The following KDM1B variants were observed in gnomAD, a reference collection of about 807,000 sequenced individuals.
KDM1B encodes the protein lysine-specific histone demethylase 2.
Under a neutral mutation model 107.4 loss-of-function variants are expected in KDM1B, and 63 were observed. The ratio of observed to expected loss-of-function variants is 0.59; its 90% CI spans 0.48 to 0.72. The LOEUF (loss-of-function observed/expected upper bound fraction) is 0.72, where lower values mean the gene tolerates loss of function less well. KDM1B is among the 30% of genes least tolerant of loss of function. The pLI is 0.00. For synonymous variants in KDM1B, 363 were observed against 363.9 expected, an observed-to-expected ratio of 1.00 and a Z score of 0.03; for missense variants, 749 against 1,020.8, an observed-to-expected ratio of 0.73 and a Z score of 3.63.
Position 18,191,162 on chromosome 6 carries a change from G to T in KDM1B, c.785-35G>T. ...AATTCTTCTGGATTTGGAAGTTACA[G>T]CTTGTAGGAGTTGCCCATTTGTGTT... On this transcript the variant is annotated intron_variant, in intron 9 of 21. Transcript: ENST00000650836. The surrounding 1 kb of genome is among the most constrained non-coding windows in gnomAD (Gnocchi z 5.1). 6.5e-7 allele frequency: 1 copy of T among 1,539,180 alleles called. No individual in the cohort carries two copies. The highest frequency in any genetic ancestry group is 8.8e-7 in the Non-Finnish European group (1 of 1,139,686).
At position 18,213,651 on chromosome 6, in the gene KDM1B, T is replaced by G. The variant is rs1320667653; in HGVS notation, c.1984-5T>G. On this transcript the variant is annotated splice_polypyrimidine_tract_variant and splice_region_variant and intron_variant, in intron 18 of 21. Transcript: ENST00000650836. The surrounding 1 kb of genome is among the most constrained non-coding windows in gnomAD (Gnocchi z 5.9). Reference sequence around the variant, plus strand: ...CTAACCACCTTTCTTCTGCTCACTTTGCAGATTGCCTTGCAATTTCCGTAT... The same window carrying G: ...CTAACCACCTTTCTTCTGCTCACTTGGCAGATTGCCTTGCAATTTCCGTAT... 1 of 1,614,062 alleles carries G rather than the reference T, an allele frequency of 6.2e-7. No individual in the cohort carries two copies.
At position 18,185,496 on chromosome 6, in the gene KDM1B, T is replaced by G. The variant is rs560754051; in HGVS notation, c.535-276T>G. 1.4e-4 allele frequency among the ~76,000 whole-genome samples: 22 copies of G among 152,242 alleles called. 1 individual carries two copies. In the South Asian group the frequency reaches 4.6e-3, roughly 32 times the overall value. ...TTTATATTTTTAGTAGAGACAGTTT[T>G]TCACTATTTTGGCCAGGCTGGTCTC... is the stretch of plus-strand genomic sequence containing the variant. On this transcript the variant is annotated intron_variant, in intron 7 of 21. Transcript: ENST00000650836.
Position 18,222,020 on chromosome 6 carries a change from T to C in KDM1B, c.*28T>C. The C allele has an allele frequency of 1.3e-6, 2 of 1,599,130 alleles. No individual in the cohort carries two copies. The highest frequency in any genetic ancestry group is 1.7e-6 in the Non-Finnish European group (2 of 1,166,356). On this transcript the variant is annotated 3_prime_UTR_variant, in exon 22 of 22. Coordinates refer to ENST00000650836, the MANE Select transcript of KDM1B (RefSeq NM_001364614.2). ...ATTCGGTGGACCCAGCTTTCTTCTG[T>C]ACCCCAGATGGGGAAATTTGAATCA...
chr6:18,196,131 G>T (rs577641202), intron 10 of KDM1B, among the ~76,000 whole-genome samples: 1 of 152,210 alleles, frequency 6.6e-6, no homozygotes, highest in African/African-American at 2.4e-5. Context: ...TGTGCTTCTG[G>T]TTCAACCATG....
chr6:18,206,451 A>G (rs1788378818), intron 15 of KDM1B, among the ~76,000 whole-genome samples: 2 of 152,328 alleles, frequency 1.3e-5, no homozygotes, highest in South Asian at 4.1e-4. Context: ...CAGGAGTTCA[A>G]AGCTGCAGTT....
At position 18,217,903 on chromosome 6, in the gene KDM1B, A is replaced by G; in HGVS notation, c.2385+18A>G. ...CTGGTGAGGTATGGATCTTGATTCC[A>G]AACCCAATTATTTGTATTTTGATTT... On this transcript the variant is annotated intron_variant, in intron 21 of 21. Coordinates refer to ENST00000650836, the MANE Select transcript of KDM1B (RefSeq NM_001364614.2). 6.2e-7 allele frequency: 1 copy of G among 1,600,272 alleles called. No individual in the cohort carries two copies. The highest frequency in any genetic ancestry group is 8.5e-7 in the Non-Finnish European group (1 of 1,175,196).
rs1172464385 is a variant in KDM1B, at chr6:18,205,033, A to C, written c.1532-504A>C. The stretch of plus-strand genomic sequence containing the variant: ...TGGAGGCGGAGTGCTGACAAGATAC[A>C]AGCCCATAATGGAATATTCTTGTTT... On this transcript the variant is annotated intron_variant, in intron 14 of 21. Coordinates refer to ENST00000650836, the MANE Select transcript of KDM1B (RefSeq NM_001364614.2). The surrounding 1 kb of genome is among the most constrained non-coding windows in gnomAD (Gnocchi z 5.7). 6.6e-6 allele frequency among the ~76,000 whole-genome samples: 1 copy of C among 152,230 alleles called. No homozygotes were observed. Among genetic ancestry groups the C allele is most frequent in the Non-Finnish European group, 1.5e-5 (1 of 68,046 alleles).
At chr6:18,199,988 C>T (rs1015823481) in intron 12 of KDM1B, among the ~76,000 whole-genome samples, 3 of 152,160 alleles carry the variant, frequency 2.0e-5, no homozygotes, top group Non-Finnish European at 2.9e-5. Context: ...AGGTGATTCT[C>T]GTGCCTCAGC....
Position 18,221,305 on chromosome 6 carries a change from T to C in KDM1B, c.2386-604T>C, listed in dbSNP as rs1789715352. 2.6e-5 allele frequency among the ~76,000 whole-genome samples: 4 copies of C among 152,166 alleles called. No homozygotes were observed. The South Asian group carries it at 8.3e-4, about 32-fold the overall frequency. On this transcript the variant is annotated intron_variant, in intron 21 of 21. Transcript: ENST00000650836. ...ACATCTCAGACCTTGTCATAATTAC[T>C]TAATCACTAATTCAGGCCTCCTCCT... is the stretch of plus-strand genomic sequence containing the variant.
chr6:18,183,230 G>T (rs570176617), intron 7 of KDM1B, among the ~76,000 whole-genome samples: 2 of 150,204 alleles, frequency 1.3e-5, no homozygotes, highest in Admixed American at 6.6e-5. Context: ...TTCCCTTGCA[G>T]GGGTAAACAA....
Position 18,204,147 on chromosome 6 carries a change from A to T in KDM1B, c.1532-1390A>T, listed in dbSNP as rs983633490. 2.0e-5 allele frequency among the ~76,000 whole-genome samples: 3 copies of T among 152,052 alleles called. No homozygotes were observed. The highest frequency in any genetic ancestry group is 2.1e-4 in the South Asian group (1 of 4,828). ...AGCCTTGAGCTGTTCTAAAAAAAAA[A>T]ATATTTGAAGTAACTGATACTCAGT... On this transcript the variant is annotated intron_variant, in intron 14 of 21. Coordinates refer to ENST00000650836, the MANE Select transcript of KDM1B (RefSeq NM_001364614.2). The surrounding 1 kb of genome is among the most constrained non-coding windows in gnomAD (Gnocchi z 4.9).
Position 18,159,924 on chromosome 6 carries a change from A to T in KDM1B, c.29A>T (p.Lys10Ile). Residue 10 changes from lysine to isoleucine, a missense_variant, in exon 3 of 22, where the codon AAA becomes ATA. Coordinates refer to ENST00000650836, the MANE Select transcript of KDM1B (RefSeq NM_001364614.2). The surrounding 1 kb of genome is among the most constrained non-coding windows in gnomAD (Gnocchi z 4.5). MATPRGRTK[K>I]KASFDHSPDS... is the part of the protein sequence containing the mutation. ...GCAACTCCACGGGGGAGGACAAAGA[A>T]AAAAGCATCTTTTGATCATTCTCCG... 6.2e-7 allele frequency: 1 copy of T among 1,610,918 alleles called. No individual in the cohort carries two copies. The highest frequency in any genetic ancestry group is 1.1e-5 in the South Asian group (1 of 89,946).
rs778080275 is a variant in KDM1B at position 18,187,907 on chromosome 6, T to C, written c.689T>C (p.Met230Thr). 2 of 1,550,352 alleles carry C rather than the reference T, an allele frequency of 1.3e-6. No individual in the cohort carries two copies. The highest frequency in any genetic ancestry group is 2.4e-5 in the East Asian group (1 of 40,912). Residue 230 changes from methionine to threonine, a missense_variant, in exon 9 of 22, where the codon ATG becomes ACG. Physicochemically the swap from Met to Thr is moderately conservative, Grantham distance 81. Coordinates refer to ENST00000650836, the MANE Select transcript of KDM1B (RefSeq NM_001364614.2). Reference sequence around the variant, plus strand: ...GCCTACTACCCTGACTGTGTTGGCATGAGCCCCTCCTGCACCAGCACAAAC... The same window carrying C: ...GCCTACTACCCTGACTGTGTTGGCACGAGCCCCTCCTGCACCAGCACAAAC... ...LSAYYPDCVG[M>T]SPSCTSTNRA...
intron 10 of KDM1B, among the ~76,000 whole-genome samples, chr6:18,194,463 G>T (rs574495785): frequency 6.6e-6 from 1 of 152,098 alleles, no homozygotes; most frequent in Non-Finnish European, 1.5e-5. Context: ...TGCTGCAGTC[G>T]TTCTTGCTCA....
chr6:18,188,075 A>G, intron 9 of KDM1B, 73 bp downstream of exon 9: 1 of 1,325,908 alleles, frequency 7.5e-7, no homozygotes. Flanking sequence ...GAGTGAGCAA[A>G]ACGCAAAGGA....
At chr6:18,190,546 G>A (rs981514449) in intron 9 of KDM1B, among the ~76,000 whole-genome samples, 3 of 151,844 alleles carry the variant, frequency 2.0e-5, no homozygotes, top group Non-Finnish European at 4.4e-5. Flanking sequence ...AGCTTGCAGC[G>A]AGCCGAGATC....
intron 15 of KDM1B, among the ~76,000 whole-genome samples, chr6:18,206,663 G>A (rs1788394315): frequency 2.0e-5 from 3 of 152,090 alleles, no homozygotes; most frequent in Admixed American, 2.0e-4. Context: ...GGTCTCAAGT[G>A]ATCCTCCTGC....
intron 20 of KDM1B, among the ~76,000 whole-genome samples, chr6:18,216,210 G>C (rs973440639): frequency 6.6e-6 from 1 of 152,118 alleles, no homozygotes; most frequent in African/African-American, 2.4e-5. Context: ...CTCCCGAGTA[G>C]GCTGGGATTA....
At chr6:18,192,603 A>G (rs896688675) in intron 10 of KDM1B, among the ~76,000 whole-genome samples, 1 of 152,098 alleles carries the variant, frequency 6.6e-6, no homozygotes, top group Non-Finnish European at 1.5e-5. Flanking sequence ...AATTGTGGTC[A>G]GAGTTTCCTA....
Sources: gnomAD v4.1 joint callset for allele counts (sites outside exome capture counted in the v4.1 genomes callset) on GRCh38, gnomAD v4.1.1 for gene constraint, Gnocchi (gnomAD v3.1) non-coding constraint, MANE v1.5 for transcripts, NCBI Gene and HGNC (gene_info 2026-07-23, HGNC 2026-07-21) for gene names.